MCPH1: variants seen among roughly 807,000 people sequenced by gnomAD.
MCPH1 encodes the protein microcephalin.
Under a neutral mutation model 84.5 loss-of-function variants are expected in MCPH1, and 104 were observed. That is an observed-to-expected ratio of 1.23 (90% confidence interval 1.05 to 1.45). MCPH1 has a LOEUF of 1.45. MCPH1 is among the 40% of genes most tolerant of loss of function. The pLI, the probability that MCPH1 is intolerant of heterozygous loss-of-function variation, is 0.00. For missense variants in MCPH1, 1,498 were observed against 1,005.7 expected (o/e 1.49, Z -6.62); for synonymous variants, 514 against 366.8 (o/e 1.40, Z -4.58).
intron 12 of MCPH1, among the ~76,000 whole-genome samples, chr8:6,578,707 T>G (rs1827309785): frequency 6.6e-6 from 1 of 152,200 alleles, no homozygotes; most frequent in Non-Finnish European, 1.5e-5. Flanking sequence ...AAGCTCTCAG[T>G]GACAAACACA....
intron 13 of MCPH1, among the ~76,000 whole-genome samples, chr8:6,631,449 G>A (rs1247436438): frequency 6.8e-6 from 1 of 147,102 alleles, no homozygotes; most frequent in African/African-American, 2.6e-5. Context: ...AATATATAAA[G>A]AACTCCTGCA....
At chr8:6,604,090 G>C (rs1395322334) in intron 12 of MCPH1, among the ~76,000 whole-genome samples, 1 of 151,760 alleles carries the variant, frequency 6.6e-6, no homozygotes, top group Non-Finnish European at 1.5e-5. Context: ...CACTCTGCTG[G>C]TGGCCTCTGG....
chr8:6,537,219 G>A (rs943925625), intron 12 of MCPH1, among the ~76,000 whole-genome samples: 4 of 152,146 alleles, frequency 2.6e-5, no homozygotes, highest in African/African-American at 7.2e-5. Context: ...TATCTGAAGA[G>A]GATTATTCCA....
At chr8:6,594,452 T>C (rs1338280744) in intron 12 of MCPH1, among the ~76,000 whole-genome samples, 1 of 152,186 alleles carries the variant, frequency 6.6e-6, no homozygotes, top group Non-Finnish European at 1.5e-5. Flanking sequence ...CACTCATTCG[T>C]GGGCCCTCAT....
In MCPH1 at chr8:6,445,518, A is replaced by G; in HGVS notation, c.1796A>G (p.Lys599Arg). ...AACATGGAGACGTCTACAGAAGAGA[A>G]GGAAAACTTACCCGGAGGATACAGT... The part of the protein sequence containing the change: ...DCNMETSTEE[K>R]ENLPGGYSGS... The change falls in exon 8 of 14, where the codon AAG (lysine) becomes AGG (arginine). Residue 599 changes from lysine to arginine, a missense_variant. Coordinates refer to ENST00000344683, the MANE Select transcript of MCPH1 (RefSeq NM_024596.5). 1 of 1,607,036 alleles carries G rather than the reference A, an allele frequency of 6.2e-7. No homozygotes were observed. The highest frequency in any genetic ancestry group is 8.5e-7 in the Non-Finnish European group (1 of 1,177,586).
rs748281317 is a variant in MCPH1 at position 6,648,213 on chromosome 8, G to T, written c.*5164G>T. ...CCTAGAACTCCCTGTGGAGTTGGCC[G>T]ATACTGCCTGTGACCTGCAATGTGG... On this transcript the variant is annotated 3_prime_UTR_variant, in exon 14 of 14. Coordinates refer to ENST00000344683, the MANE Select transcript of MCPH1 (RefSeq NM_024596.5). The T allele has an allele frequency of 6.6e-6, 1 of 152,230 alleles. No individual in the cohort carries two copies. Among genetic ancestry groups the T allele is most frequent in the East Asian group, 1.9e-4 (1 of 5,194 alleles). 9.4% of individuals were successfully genotyped at this position (152,230 alleles called of 1,614,324 possible). A position where few individuals can be genotyped will look rare whatever the true frequency, so the allele number is the denominator to read the frequency against.
rs752430365 is a variant in MCPH1 at position 6,414,843 on chromosome 8, A to G, written c.193A>G (p.Lys65Glu). The G allele has an allele frequency of 1.5e-5, 24 of 1,613,808 alleles. No individual in the cohort carries two copies. Among genetic ancestry groups the G allele is most frequent in the Non-Finnish European group, 1.8e-5 (21 of 1,179,922 alleles). Residue 65 changes from lysine (K) to glutamate (E), a missense_variant, in exon 3 of 14, where the codon AAG becomes GAG. Lys to Glu is a moderately conservative substitution (Grantham distance 56). Transcript: ENST00000344683. ...CCAGAGCACTTGGGACAAAGCTCAG[A>G]AGAGAGGCGTAAAGCTCGTTTCGGT... is the stretch of plus-strand genomic sequence containing the variant. ...GYQSTWDKAQ[K>E]RGVKLVSVLW...
intron 13 of MCPH1, chr8:6,626,825 T>G: frequency 1.0e-6 from 1 of 985,220 alleles, no homozygotes; most frequent in Non-Finnish European, 1.2e-6. Flanking sequence ...TGTGCACTCT[T>G]CCCTCCCTGC....
chr8:6,473,320 C>CTTTTTTTT (rs56077837), intron 9 of MCPH1, among the ~76,000 whole-genome samples: 2 of 76,438 alleles, frequency 2.6e-5, no homozygotes, highest in African/African-American at 1.1e-4. Flanking sequence ...TCTCTCAATC[C>CTTTTTTTT]TTTTTTTTTT....
chr8:6,444,889 G>C lies in MCPH1; in HGVS notation c.1167G>C (p.Arg389Ser), dbSNP rs372491727. 3.7e-6 allele frequency: 6 copies of C among 1,614,048 alleles called. No individual in the cohort carries two copies. The African/African-American group carries it at 8.0e-5, about 22-fold the overall frequency. Residue 389 changes from arginine to serine, a missense_variant, in exon 8 of 14, where the codon AGG becomes AGC. Coordinates refer to ENST00000344683, the MANE Select transcript of MCPH1 (RefSeq NM_024596.5). ...TCATGCCGAGGCTGCAGCTGTGCAG[G>C]TCGGAAGACAGGCTGCAGCACGTGG... ...RSIMPRLQLC[R>S]SEDRLQHVAG...
chr8:6,566,285 T>G (rs1246145504), intron 12 of MCPH1, among the ~76,000 whole-genome samples: 1 of 152,076 alleles, frequency 6.6e-6, no homozygotes, highest in East Asian at 1.9e-4. Context: ...AGGTGGTCTG[T>G]GGGGGTAGGA....
At chr8:6,435,049 TAG>T (rs1802442936) in intron 4 of MCPH1, among the ~76,000 whole-genome samples, 1 of 151,930 alleles carries the variant, frequency 6.6e-6, no homozygotes, top group Non-Finnish European at 1.5e-5. Context: ...TGGTTAAGAG[TAG>T]AGTTAACCCA....
intron 13 of MCPH1, among the ~76,000 whole-genome samples, chr8:6,629,373 A>G (rs1347284037): frequency 6.6e-6 from 1 of 152,198 alleles, no homozygotes; most frequent in Non-Finnish European, 1.5e-5. Context: ...GAGGCAGGAG[A>G]ATCCCTTGAA....
rs763887070 is a variant in MCPH1 at position 6,406,677 on chromosome 8, C to G, written c.10C>G (p.Pro4Ala). The G allele has an allele frequency of 1.5e-5, 24 of 1,612,068 alleles. No individual in the cohort carries two copies. The highest frequency in any genetic ancestry group is 1.7e-5 in the Admixed American group (1 of 59,946). The change falls in exon 1 of 14, where the codon CCC (proline) becomes GCC (alanine). Residue 4 changes from proline (P) to alanine (A), a missense_variant. Pro to Ala is a conservative substitution (Grantham distance 27). Coordinates refer to ENST00000344683, the MANE Select transcript of MCPH1 (RefSeq NM_024596.5). The part of the protein sequence containing the change: MAA[P>A]ILKDVVAYVE... ...GATCCCGCCGTCTGTCATGGCGGCC[C>G]CCATCCTGAAAGGTGAGGTACTTCC... is the stretch of plus-strand genomic sequence containing the variant.
chr8:6,497,267 G>T (rs966314530), intron 11 of MCPH1, among the ~76,000 whole-genome samples: 1 of 151,772 alleles, frequency 6.6e-6, no homozygotes, highest in African/African-American at 2.4e-5. Flanking sequence ...GATCACTTGA[G>T]GTCATGAGTT....
intron 13 of MCPH1, chr8:6,642,670 T>C: frequency 4.6e-6 from 2 of 431,240 alleles, no homozygotes; most frequent in South Asian, 2.2e-5. Flanking sequence ...TCTTGGCTCC[T>C]ATGTCACAGA....
chr8:6,556,442 A>G (rs994895024), intron 12 of MCPH1, among the ~76,000 whole-genome samples: 1 of 152,044 alleles, frequency 6.6e-6, no homozygotes, highest in African/African-American at 2.4e-5. Context: ...CCAAGGACTT[A>G]ACATCATCCC....
At chr8:6,407,834 T>C (rs1364442228) in intron 1 of MCPH1, among the ~76,000 whole-genome samples, 5 of 152,198 alleles carry the variant, frequency 3.3e-5, no homozygotes, top group African/African-American at 1.2e-4. Context: ...CTGCCTGTTT[T>C]TGTAAGGGTC....
chr8:6,455,026 ATT>A (rs1463169176), intron 8 of MCPH1, 115 bp from the exon 9 acceptor site: 3 of 782,500 alleles, frequency 3.8e-6, no homozygotes, highest in Non-Finnish European at 6.8e-6. Context: ...TATACAATTT[ATT>A]TAAAAGGCCT....
Sources: gnomAD v4.1 joint callset for allele counts (sites outside exome capture counted in the v4.1 genomes callset) on GRCh38, gnomAD v4.1.1 for gene constraint, MANE v1.5 for transcripts, NCBI Gene and HGNC (gene_info 2026-07-23, HGNC 2026-07-21) for gene names.